The following FAM234B variants were observed in gnomAD, a reference collection of about 807,000 sequenced individuals.
The protein encoded by FAM234B is family with sequence similarity 234 member B, also known as protein FAM234B.
In FAM234B, 33 loss-of-function variants were observed where a neutral mutation model predicts 69.3. That is an observed-to-expected ratio of 0.48 (90% confidence interval 0.36 to 0.64). The LOEUF (loss-of-function observed/expected upper bound fraction) is 0.64, where lower values mean the gene tolerates loss of function less well. FAM234B is among the 30% of genes least tolerant of loss of function. The pLI is 0.00. For missense variants in FAM234B, 697 were observed against 769.7 expected, an observed-to-expected ratio of 0.91 and a Z score of 1.12; for synonymous variants, 306 against 306.9, an observed-to-expected ratio of 1.00 and a Z score of 0.03.
Position 13,061,695 on chromosome 12 carries a change from G to T in FAM234B, c.653G>T (p.Ser218Ile). 1 of 1,614,142 alleles carries T rather than the reference G, an allele frequency of 6.2e-7. No homozygotes were observed. Among genetic ancestry groups the T allele is most frequent in the East Asian group, 2.2e-5 (1 of 44,884 alleles). ...ACATGTTTGGAGCTGATGCCAGGAA[G>T]CTTGGCTGAAACCATCTGCCTTGTG... ...DITCLELMPG[S>I]LAETICLVTG... The change falls in exon 4 of 13, where the codon AGC becomes ATC. Residue 218 changes from serine (S) to isoleucine (I), a missense_variant. Around this residue, in one of 3 missense-constraint regions of FAM234B, gnomAD observed 380 missense variants for 447.1 expected, o/e 0.85. Coordinates refer to ENST00000197268, the MANE Select transcript of FAM234B (RefSeq NM_020853.2).
chr12:13,062,687 C>T, intron 4 of FAM234B, 158 bp from the exon 5 acceptor site: 1 of 636,050 alleles, frequency 1.6e-6, no homozygotes, highest in South Asian at 2.6e-5. Context: ...CTGCTTCCTC[C>T]TCCTCAGTAA....
chr12:13,058,008 G>A (rs1864948634), intron 2 of FAM234B, among the ~76,000 whole-genome samples: 1 of 152,224 alleles, frequency 6.6e-6, no homozygotes, highest in Admixed American at 6.5e-5. Flanking sequence ...TTTGGTTGGA[G>A]TAGAGCAGTT....
intron 1 of FAM234B, among the ~76,000 whole-genome samples, chr12:13,049,334 C>T (rs1048242033): frequency 2.0e-5 from 3 of 152,256 alleles, no homozygotes; most frequent in African/African-American, 7.2e-5. Context: ...CGCCTGCCAC[C>T]ACACGTGGCA....
chr12:13,057,927 G>A (rs1864947818), intron 2 of FAM234B, among the ~76,000 whole-genome samples: 1 of 152,230 alleles, frequency 6.6e-6, no homozygotes, highest in Non-Finnish European at 1.5e-5. Context: ...ATCCAGGAGA[G>A]GGTGGGAGCC....
chr12:13,076,646 AAAGG>A (rs1865162954), intron 11 of FAM234B, among the ~76,000 whole-genome samples: 1 of 152,254 alleles, frequency 6.6e-6, no homozygotes, highest in South Asian at 2.1e-4. Context: ...AAGAAAAATC[AAAGG>A]AAGAAAGAAA....
At chr12:13,050,602 C>T (rs976651464) in intron 1 of FAM234B, among the ~76,000 whole-genome samples, 3 of 152,098 alleles carry the variant, frequency 2.0e-5, no homozygotes, top group Admixed American at 2.0e-4. Flanking sequence ...TTGGTTAGAA[C>T]AACAAATGGA....
At position 13,069,094 on chromosome 12, in the gene FAM234B, T is replaced by C. The variant is rs1349763483; in HGVS notation, c.1368+383T>C. Among the ~76,000 whole-genome samples, 3 of 152,120 alleles carry C rather than the reference T, an allele frequency of 2.0e-5. 1 individual carries two copies. Among genetic ancestry groups the C allele is most frequent in the Admixed American group, 2.0e-4 (3 of 15,276 alleles). ...GACTGGGGTTTTATGGAAGACCTTATAAAGGAGGGAAATATAAGCAGCTTT... is the reference window on the plus strand; with the variant it reads ...GACTGGGGTTTTATGGAAGACCTTACAAAGGAGGGAAATATAAGCAGCTTT... On this transcript the variant is annotated intron_variant, in intron 9 of 12. Transcript: ENST00000197268.
Position 13,067,190 on chromosome 12 carries a change from G to A in FAM234B, c.1036G>A (p.Val346Ile), listed in dbSNP as rs1206026870. The change falls in exon 7 of 13, where the codon GTT (valine) becomes ATT (isoleucine). Residue 346 changes from valine to isoleucine, a missense_variant. By Grantham distance (29) the Val-to-Ile change is conservative. Coordinates refer to ENST00000197268, the MANE Select transcript of FAM234B (RefSeq NM_020853.2). This position sits in a 1 kb window ranked among gnomAD's most constrained non-coding sequence, Gnocchi z 4.7. ...AGCTGTCGCACTGCGGGACATTTTTGTTCAGGCCCAAAATCGAGACAGCTC... is the reference window on the plus strand; with the variant it reads ...AGCTGTCGCACTGCGGGACATTTTTATTCAGGCCCAAAATCGAGACAGCTC... Reference protein sequence around the residue: ...IQAVALRDIFVQAQNRDSSPP... With the variant: ...IQAVALRDIFIQAQNRDSSPP... 1.9e-6 allele frequency: 3 copies of A among 1,614,012 alleles called. No homozygotes were observed. The highest frequency in any genetic ancestry group is 2.5e-6 in the Non-Finnish European group (3 of 1,179,916).
intron 1 of FAM234B, among the ~76,000 whole-genome samples, chr12:13,048,565 A>G (rs4763922): frequency 0.24 from 35,977 of 151,970 alleles, 5,172 homozygotes; most frequent in East Asian, 0.53. Context: ...TCGGTCATGC[A>G]TATATTGGCT....
chr12:13,067,003 C>G lies in FAM234B; in HGVS notation c.1001-152C>G, dbSNP rs755277110. ...AGGGAAGACTCTTGTCCAGCACCCA[C>G]TTAATCACCTCCCCACTTGTTCCGT... On this transcript the variant is annotated intron_variant, in intron 6 of 12. Coordinates refer to ENST00000197268, the MANE Select transcript of FAM234B (RefSeq NM_020853.2). The surrounding 1 kb of genome is among the most constrained non-coding windows in gnomAD (Gnocchi z 4.7). 24 of 984,894 alleles carry G rather than the reference C, an allele frequency of 2.4e-5. No homozygotes were observed. Among genetic ancestry groups the G allele is most frequent in the Non-Finnish European group, 3.5e-5 (23 of 664,432 alleles). 61.0% of individuals were successfully genotyped at this position (984,894 alleles called of 1,614,324 possible).
chr12:13,063,309 G>C (rs913419477), intron 5 of FAM234B, among the ~76,000 whole-genome samples: 3 of 152,128 alleles, frequency 2.0e-5, no homozygotes, highest in Non-Finnish European at 4.4e-5. Flanking sequence ...TGTAAAAAAG[G>C]CATGTTATAT....
chr12:13,059,239 G>A (rs868175346), intron 3 of FAM234B, among the ~76,000 whole-genome samples: 24 of 152,200 alleles, frequency 1.6e-4, no homozygotes, highest in African/African-American at 5.1e-4. Context: ...GTCACAGCTC[G>A]TTTCAAGGTG....
rs1036773613 is a variant in FAM234B at position 13,055,555 on chromosome 12, G to C, written c.42G>C (p.Lys14Asn). ...VLSRALKLPG[K>N]KSPDLGEYDP... is the part of the protein sequence containing the mutation. The stretch of plus-strand genomic sequence containing the variant: ...TCTGTTTTTCTGTATTTTCAGGGAA[G>C]AAGAGCCCAGACCTAGGGGAGTATG... Residue 14 changes from lysine to asparagine, a missense_variant, in exon 2 of 13, where the codon AAG (lysine) becomes AAC (asparagine). Physicochemically the swap from Lys to Asn is moderately conservative, Grantham distance 94. Coordinates refer to ENST00000197268, the MANE Select transcript of FAM234B (RefSeq NM_020853.2). The C allele has an allele frequency of 6.3e-7, 1 of 1,585,214 alleles. No homozygotes were observed. The highest frequency in any genetic ancestry group is 8.6e-7 in the Non-Finnish European group (1 of 1,158,722).
chr12:13,075,002 C>T (rs1475752313), intron 10 of FAM234B, among the ~76,000 whole-genome samples: 1 of 152,144 alleles, frequency 6.6e-6, no homozygotes, highest in African/African-American at 2.4e-5. Flanking sequence ...TACTTCTGTG[C>T]CTTAACAACT....
At chr12:13,058,634 C>T in intron 3 of FAM234B, 85 bp downstream of exon 3, 1 of 1,134,608 alleles carries the variant, frequency 8.8e-7, no homozygotes, top group Non-Finnish European at 1.3e-6. Flanking sequence ...AGTGGTACTG[C>T]AGAGAAGGAT....
rs142634999 is a variant in FAM234B, at chr12:13,055,612, C to T, written c.99C>T (p.Ser33=). 338 of 1,613,996 alleles carry T rather than the reference C, an allele frequency of 2.1e-4. No homozygotes were observed. The highest frequency in any genetic ancestry group is 2.7e-4 in the Non-Finnish European group (313 of 1,179,936). ...TTACCCAGGCTGACAGTGATGAGAG[C>T]GAAGACGATCTGGTGCTTAACCTGC... ...DPLTQADSDE[S]EDDLVLNLQK... Residue 33 remains serine, a synonymous_variant, in exon 2 of 13, where the codon AGC becomes AGT. Transcript: ENST00000197268.
intron 10 of FAM234B, among the ~76,000 whole-genome samples, chr12:13,073,183 T>TG (rs1865126500): frequency 6.6e-6 from 1 of 151,102 alleles, no homozygotes; most frequent in Non-Finnish European, 1.5e-5. Flanking sequence ...TTGTGGAGAA[T>TG]GGGGTCTTGC....
chr12:13,068,747 G>A (rs1374423699), intron 9 of FAM234B, 36 bp downstream of exon 9: 6 of 1,380,048 alleles, frequency 4.3e-6, no homozygotes, highest in Non-Finnish European at 6.2e-6. Flanking sequence ...CAAAGCATAT[G>A]TAAAGTATAT....
chr12:13,079,831 G>C lies in FAM234B; in HGVS notation c.1685G>C (p.Arg562Thr). ...DLWKDAFYVTRTTGPSSEGHP... is the reference protein window; with the variant it reads ...DLWKDAFYVTTTTGPSSEGHP... Reference sequence around the variant, plus strand: ...TGGAAAGATGCCTTTTATGTTACCAGGACAACAGGGCCAAGCTCCGAAGGC... The same window carrying C: ...TGGAAAGATGCCTTTTATGTTACCACGACAACAGGGCCAAGCTCCGAAGGC... Residue 562 changes from arginine (R) to threonine (T), a missense_variant, in exon 12 of 13, where the codon AGG becomes ACG. Physicochemically the swap from Arg to Thr is moderately conservative, Grantham distance 71. Transcript: ENST00000197268. The C allele has an allele frequency of 1.9e-6, 3 of 1,614,030 alleles. No homozygotes were observed. Among genetic ancestry groups the C allele is most frequent in the Non-Finnish European group, 2.5e-6 (3 of 1,179,962 alleles).
Sources: allele counts gnomAD v4.1 joint callset (sites outside exome capture counted in the v4.1 genomes callset), GRCh38; gene constraint gnomAD v4.1.1; regional missense constraint gnomAD v4.1.1; non-coding constraint Gnocchi (gnomAD v3.1); transcripts MANE v1.5; gene names NCBI Gene and HGNC (gene_info 2026-07-23, HGNC 2026-07-21).